C1orf21: variants seen among roughly 807,000 people sequenced by gnomAD.
The protein encoded by C1orf21 is uncharacterized protein C1orf21.
C1orf21 carries 3 observed loss-of-function variants against 18.7 expected under a neutral mutation model. That is an observed-to-expected ratio of 0.16 (90% confidence interval 0.07 to 0.42). C1orf21 has a LOEUF of 0.42. Among genes scored for constraint, C1orf21 ranks in the 10% least tolerant of loss-of-function variants. The probability of loss-of-function intolerance (pLI) is 0.99; values close to 1 mark genes in which losing one functional copy is unlikely to be tolerated. For synonymous variants in C1orf21, 41 were observed against 46.4 expected (o/e 0.88, Z 0.47); for missense variants, 104 against 143.6 (o/e 0.72, Z 1.41).
At chr1:184,488,190 G>T (rs1657760448) in intron 2 of C1orf21, among the ~76,000 whole-genome samples, 1 of 152,186 alleles carries the variant, frequency 6.6e-6, no homozygotes, top group African/African-American at 2.4e-5. Flanking sequence ...ACCAGTTTCT[G>T]TACTGTGTAA....
At chr1:184,445,698 G>A (rs1657019597) in intron 1 of C1orf21, among the ~76,000 whole-genome samples, 1 of 152,032 alleles carries the variant, frequency 6.6e-6, no homozygotes, top group Admixed American at 6.6e-5. Context: ...GGAGAGAGCT[G>A]GTTAATGCAA....
At chr1:184,470,021 T>C (rs1173253187) in intron 1 of C1orf21, among the ~76,000 whole-genome samples, 2 of 152,240 alleles carry the variant, frequency 1.3e-5, no homozygotes, top group Non-Finnish European at 2.9e-5. Flanking sequence ...TTCTCTTTGA[T>C]TAAAATCAAA....
intron 1 of C1orf21, among the ~76,000 whole-genome samples, chr1:184,444,622 A>G (rs1420852605): frequency 2.0e-5 from 3 of 152,136 alleles, no homozygotes; most frequent in Non-Finnish European, 4.4e-5. Flanking sequence ...CAGGGTGCCT[A>G]CTTACTATCT....
chr1:184,487,976 C>A (rs1462340956), intron 2 of C1orf21, among the ~76,000 whole-genome samples: 3 of 152,206 alleles, frequency 2.0e-5, no homozygotes, highest in African/African-American at 7.2e-5. Context: ...GTTGCGCAGA[C>A]CTCTGACCTA....
chr1:184,454,505 C>T (rs1426560187), intron 1 of C1orf21, among the ~76,000 whole-genome samples: 1 of 152,148 alleles, frequency 6.6e-6, no homozygotes, highest in African/African-American at 2.4e-5. Context: ...CACCAAATCT[C>T]ATGTCAAACT....
chr1:184,454,709 C>G (rs78879837), intron 1 of C1orf21, among the ~76,000 whole-genome samples: 1,646 of 152,184 alleles, frequency 0.011, 10 homozygotes, highest in Non-Finnish European at 0.019. Flanking sequence ...ATGCTGACTC[C>G]CCCTTTGCCA....
At chr1:184,538,488 T>G (rs1658594644) in intron 3 of C1orf21, among the ~76,000 whole-genome samples, 1 of 152,216 alleles carries the variant, frequency 6.6e-6, no homozygotes, top group South Asian at 2.1e-4. Context: ...ATTTTTTTTC[T>G]TTTGTTGCCT....
intron 1 of C1orf21, among the ~76,000 whole-genome samples, chr1:184,462,566 G>A (rs1438583088): frequency 6.6e-6 from 1 of 152,100 alleles, no homozygotes; most frequent in East Asian, 1.9e-4. Flanking sequence ...ACTGAACCCT[G>A]AATTACTGAA....
At chr1:184,477,920 A>C (rs1657596616) in intron 2 of C1orf21, among the ~76,000 whole-genome samples, 1 of 152,166 alleles carries the variant, frequency 6.6e-6, no homozygotes, top group Non-Finnish European at 1.5e-5. Flanking sequence ...TGTGACAGTG[A>C]ATAATTACAG....
rs1656335785 is a variant in C1orf21 at position 184,410,666 on chromosome 1, T to TATATATATATATAATATATATATATA, written c.-125+23298_-125+23299insATATATATATATAATATATATATATA. ...ATATATATATATATATATATATATT[T>TATATATATATATAATATATATATATA]TTTTTTTTTTTTTTTGAGATGGAGT... is the stretch of plus-strand genomic sequence containing the variant. On this transcript the variant is annotated intron_variant, in intron 1 of 5. Coordinates refer to ENST00000235307, the MANE Select transcript of C1orf21 (RefSeq NM_030806.4). Among the ~76,000 whole-genome samples the TATATATATATATAATATATATATATA allele has an allele frequency of 8.2e-4, 29 of 35,428 alleles. 6 individuals carry two copies. The African/African-American group carries it at 0.02, about 25-fold the overall frequency. 23.2% of individuals were successfully genotyped at this position (35,428 alleles called of 152,430 possible). A position where few individuals can be genotyped will look rare whatever the true frequency, so the allele number is the denominator to read the frequency against.
At chr1:184,587,411 A>C (rs1213226260) in intron 3 of C1orf21, among the ~76,000 whole-genome samples, 1 of 151,508 alleles carries the variant, frequency 6.6e-6, no homozygotes, top group Admixed American at 6.6e-5. Flanking sequence ...GATTCTTTCT[A>C]TCCATAAACG....
intron 5 of C1orf21, among the ~76,000 whole-genome samples, chr1:184,600,761 C>T (rs916832908): frequency 6.6e-6 from 1 of 152,170 alleles, no homozygotes; most frequent in African/African-American, 2.4e-5. Context: ...ATGACAGGTA[C>T]CCAGCTGTAG....
intron 1 of C1orf21, among the ~76,000 whole-genome samples, chr1:184,423,611 C>T (rs1656582620): frequency 6.6e-6 from 1 of 152,074 alleles, no homozygotes; most frequent in Non-Finnish European, 1.5e-5. Context: ...TTTAGTGAAA[C>T]CTCCTACACA....
At chr1:184,497,803 A>T (rs994844428) in intron 2 of C1orf21, among the ~76,000 whole-genome samples, 1 of 152,196 alleles carries the variant, frequency 6.6e-6, no homozygotes, top group East Asian at 1.9e-4. Context: ...GCTTCAGCCC[A>T]GAGACATACG....
chr1:184,397,435 A>G (rs1656076961), intron 1 of C1orf21, among the ~76,000 whole-genome samples: 1 of 152,036 alleles, frequency 6.6e-6, no homozygotes, highest in Admixed American at 6.5e-5. Flanking sequence ...AAACACAAAA[A>G]ATTAGCCAGG....
intron 3 of C1orf21, among the ~76,000 whole-genome samples, chr1:184,528,012 T>C (rs1332663592): frequency 6.6e-6 from 1 of 152,234 alleles, no homozygotes. Context: ...AATATTGTTT[T>C]GATGATTAAA....
At chr1:184,439,059 A>G (rs556207644) in intron 1 of C1orf21, among the ~76,000 whole-genome samples, 43 of 152,132 alleles carry the variant, frequency 2.8e-4, no homozygotes, top group Non-Finnish European at 5.7e-4. Context: ...AAAAATATAA[A>G]AACTGGCCAG....
intron 1 of C1orf21, among the ~76,000 whole-genome samples, chr1:184,452,824 T>C (rs1358575017): frequency 6.6e-6 from 1 of 152,206 alleles, no homozygotes; most frequent in African/African-American, 2.4e-5. Context: ...CTCTCTGTCT[T>C]TCTTGTTTTA....
chr1:184,449,318 C>T (rs879376973), intron 1 of C1orf21, among the ~76,000 whole-genome samples: 8 of 151,444 alleles, frequency 5.3e-5, no homozygotes, highest in Non-Finnish European at 1.2e-4. Context: ...TTTGTCCTTG[C>T]GATAGTTTGC....
Sources: gnomAD v4.1 joint callset for allele counts (sites outside exome capture counted in the v4.1 genomes callset) on GRCh38, gnomAD v4.1.1 for gene constraint, MANE v1.5 for transcripts, NCBI Gene and HGNC (gene_info 2026-07-23, HGNC 2026-07-21) for gene names.